Variants in SPTBN5 observed in about 807,000 individuals in gnomAD.
SPTBN5 encodes the protein spectrin beta, non-erythrocytic 5, also known as spectrin beta chain, non-erythrocytic 5.
A neutral mutation model predicts 477.6 loss-of-function variants in SPTBN5; 513 were observed. The ratio of observed to expected loss-of-function variants is 1.07; its 90% CI spans 1.00 to 1.16. SPTBN5 has a LOEUF of 1.16. SPTBN5 is among the 50% of genes most tolerant of loss of function. SPTBN5 has a pLI of 0.00. For synonymous variants in SPTBN5, 2,169 were observed against 2,011.7 expected, an observed-to-expected ratio of 1.08 and a Z score of -2.09; for missense variants, 5,062 against 4,731.8, an observed-to-expected ratio of 1.07 and a Z score of -2.05.
chr15:41,878,219 C>T (rs568083265), intron 17 of SPTBN5, 123 bp downstream of exon 17: 4 of 1,204,126 alleles, frequency 3.3e-6, no homozygotes, highest in Non-Finnish European at 4.5e-6. Context: ...CAGACACCAA[C>T]CAGTCTGGGC....
At chr15:41,892,715 G>A in intron 3 of SPTBN5, 179 bp downstream of exon 3, 1 of 639,112 alleles carries the variant, frequency 1.6e-6, no homozygotes, top group Admixed American at 3.6e-5. Context: ...CCAAGTCAGG[G>A]GTGCTGTGCG....
rs1195724622 is a variant in SPTBN5 at position 41,889,287 on chromosome 15, G to T, written c.501+802C>A. Among the ~76,000 whole-genome samples, 3 of 152,232 alleles carry T rather than the reference G, an allele frequency of 2.0e-5. No homozygotes were observed. In the East Asian group the frequency reaches 5.8e-4, roughly 29 times the overall value. On this transcript the variant is annotated intron_variant, in intron 4 of 67. Transcript: ENST00000320955. ...GGCCCTGAGTTTCCAGGCCATCCTG[G>T]ACTTCTGCCAGATCTCTGGCTTCTT...
chr15:41,853,832 C>G (rs117902765), intron 57 of SPTBN5, 45 bp from the exon 58 acceptor site: 29 of 1,501,994 alleles, frequency 1.9e-5, no homozygotes, highest in Non-Finnish European at 2.5e-5. Flanking sequence ...CCCACTGAGC[C>G]GATGCGTGCT....
chr15:41,864,609 C>T (rs1043157959), intron 39 of SPTBN5, among the ~76,000 whole-genome samples: 6 of 152,206 alleles, frequency 3.9e-5, no homozygotes, highest in Admixed American at 2.6e-4. Context: ...CCACTGTGCC[C>T]AGCCACAGAA....
At chr15:41,850,582 A>G (rs751763506) in intron 66 of SPTBN5, 8 of 483,326 alleles carry the variant, frequency 1.7e-5, no homozygotes, top group African/African-American at 3.9e-5. Context: ...GGGCAGTCTG[A>G]GTGGCAGACT....
In SPTBN5 at chr15:41,862,374, C is replaced by A. The variant is rs1195775519; in HGVS notation, c.7386-82G>T. 3 of 1,527,326 alleles carry A rather than the reference C, an allele frequency of 2.0e-6. No individual in the cohort carries two copies. In the Admixed American group the frequency reaches 6.0e-5, roughly 30 times the overall value. The allele number at this position is 1,527,326 out of a possible 1,614,324, so 94.6% of individuals were successfully genotyped here. On this transcript the variant is annotated intron_variant, in intron 43 of 67. Transcript: ENST00000320955. ...CCACTGGTGTCTTCTGTCCCTTAAT[C>A]CCCTCAACCACAGGAGGGCCCATGG...
Position 41,863,754 on chromosome 15 carries a change from G to T in SPTBN5, c.7099C>A (p.His2367Asn). ...QQQLEGALEI[H>N]VLSRELDNVT... is the part of the protein sequence containing the mutation. ...TTGTCCAGCTCTCGGGACAACACGT[G>T]TATCTCCAAGGCCCCTTCGAGCTGC... Residue 2367 changes from histidine to asparagine, a missense_variant, in exon 41 of 68, where the codon CAC (histidine) becomes AAC (asparagine). Coordinates refer to ENST00000320955, the MANE Select transcript of SPTBN5 (RefSeq NM_016642.4). 1 of 1,613,730 alleles carries T rather than the reference G, an allele frequency of 6.2e-7. No individual in the cohort carries two copies.
chr15:41,884,924 C>T (rs1464859518), intron 7 of SPTBN5, among the ~76,000 whole-genome samples: 1 of 152,244 alleles, frequency 6.6e-6, no homozygotes, highest in Non-Finnish European at 1.5e-5. Flanking sequence ...GCATGGCCAG[C>T]TCGTCACTTC....
chr15:41,852,185 G>A lies in SPTBN5; in HGVS notation c.10581C>T (p.Pro3527=). The A allele has an allele frequency of 6.3e-7, 1 of 1,591,030 alleles. No homozygotes were observed. The highest frequency in any genetic ancestry group is 8.6e-7 in the Non-Finnish European group (1 of 1,164,922). Residue 3527 remains proline (P), a synonymous_variant, in exon 62 of 68, where the codon CCC becomes CCT. Transcript: ENST00000320955. ...GCAGCCCCATAGGGACACCTGCCTG[G>A]GGGTCCCTCGTCTCAGCCAGCTGTG... ...LGAQLAETRD[P]QDAKGTPTME...
chr15:41,889,988 A>G, intron 4 of SPTBN5, 101 bp downstream of exon 4: 2 of 737,740 alleles, frequency 2.7e-6, no homozygotes, highest in South Asian at 3.2e-5. Context: ...TCCTATGGGG[A>G]TCATAAAAGT....
At chr15:41,882,200 A>G (rs1270126186) in intron 11 of SPTBN5, 55 bp from the exon 12 acceptor site, 1 of 1,473,596 alleles carries the variant, frequency 6.8e-7, no homozygotes, top group Non-Finnish European at 8.9e-7. Context: ...GAGCGCGGGC[A>G]GGTGCTGGCA....
intron 30 of SPTBN5, 35 bp downstream of exon 30, chr15:41,870,411 G>A: frequency 6.2e-7 from 1 of 1,610,888 alleles, no homozygotes; most frequent in Non-Finnish European, 8.5e-7. Context: ...TGAGCCTGGA[G>A]TGTATCCACT....
intron 41 of SPTBN5, among the ~76,000 whole-genome samples, chr15:41,863,333 G>A (rs2066182249): frequency 6.6e-6 from 1 of 152,202 alleles, no homozygotes; most frequent in Non-Finnish European, 1.5e-5. Context: ...TCCAGCCCGG[G>A]GCTCTGTGGT....
At position 41,871,922 on chromosome 15, in the gene SPTBN5, G is replaced by A. The variant is rs1374811858; in HGVS notation, c.5166-5C>T. ...GTCCCCTCCAGTTCCCGGTCCCTGT[G>A]GTAACAGTCCGTGGTTCCCCAGAAG... On this transcript the variant is annotated splice_region_variant and splice_polypyrimidine_tract_variant and intron_variant, in intron 27 of 67. Coordinates refer to ENST00000320955, the MANE Select transcript of SPTBN5 (RefSeq NM_016642.4). 8 of 1,564,332 alleles carry A rather than the reference G, an allele frequency of 5.1e-6. No homozygotes were observed. The Admixed American group carries it at 1.5e-4, about 29-fold the overall frequency.
chr15:41,848,492 C>T lies in SPTBN5; in HGVS notation c.*124G>A. ...GAACTGTCTATTCCAGAAGCTGGGCCTGGGGAACTGGGTTGAAGCAGCCAC... is the reference window on the plus strand; with the variant it reads ...GAACTGTCTATTCCAGAAGCTGGGCTTGGGGAACTGGGTTGAAGCAGCCAC... On this transcript the variant is annotated 3_prime_UTR_variant, in exon 68 of 68. Coordinates refer to ENST00000320955, the MANE Select transcript of SPTBN5 (RefSeq NM_016642.4). The T allele has an allele frequency of 2.7e-6, 3 of 1,123,346 alleles. No individual in the cohort carries two copies. Among genetic ancestry groups the T allele is most frequent in the Non-Finnish European group, 4.1e-6 (3 of 734,412 alleles). 69.6% of individuals were successfully genotyped at this position (1,123,346 alleles called of 1,614,324 possible).
intron 4 of SPTBN5, among the ~76,000 whole-genome samples, chr15:41,888,694 T>C (rs538201086): frequency 1.3e-5 from 2 of 152,304 alleles, no homozygotes; most frequent in African/African-American, 4.8e-5. Context: ...CTCCTGACTT[T>C]AAATAATCTG....
chr15:41,856,324 C>T, intron 53 of SPTBN5, 62 bp downstream of exon 53: 2 of 1,425,726 alleles, frequency 1.4e-6, no homozygotes, highest in Non-Finnish European at 1.9e-6. Context: ...GAGTGACCTC[C>T]CAGCCGCACT....
At chr15:41,876,326 G>A in intron 20 of SPTBN5, 42 bp from the exon 21 acceptor site, 1 of 1,498,740 alleles carries the variant, frequency 6.7e-7, no homozygotes, top group Non-Finnish European at 8.9e-7. Context: ...AGCACGGTGG[G>A]TGGGGGCTGG....
At chr15:41,870,625 G>A (rs2066504556) in intron 29 of SPTBN5, 65 bp from the exon 30 acceptor site, 17 of 1,375,644 alleles carry the variant, frequency 1.2e-5, no homozygotes, top group South Asian at 2.4e-5. Flanking sequence ...CCTCCCTCCC[G>A]CTAGGTCTGG....
Sources: gnomAD v4.1 joint callset for allele counts (sites outside exome capture counted in the v4.1 genomes callset) on GRCh38, gnomAD v4.1.1 for gene constraint, MANE v1.5 for transcripts, NCBI Gene and HGNC (gene_info 2026-07-23, HGNC 2026-07-21) for gene names.